TECTA: variants seen among roughly 807,000 people sequenced by gnomAD.
The protein encoded by TECTA is tectorin alpha.
In TECTA, 128 loss-of-function variants were observed where a neutral mutation model predicts 216.8. That is an observed-to-expected ratio of 0.59 (90% CI 0.51 to 0.68). The LOEUF (loss-of-function observed/expected upper bound fraction) is 0.68, where lower values mean the gene tolerates loss of function less well. TECTA is among the 30% of genes least tolerant of loss of function. TECTA has a pLI of 0.00. For synonymous variants in TECTA, 1,089 were observed against 1,117.1 expected (o/e 0.97, Z 0.50); for missense variants, 2,551 against 2,786.2 (o/e 0.92, Z 1.90).
rs1314901261 is a variant in TECTA at position 121,125,505 on chromosome 11, G to T, written c.1407G>T (p.Leu469=). 1.9e-6 allele frequency: 3 copies of T among 1,614,078 alleles called. No homozygotes were observed. Among genetic ancestry groups the T allele is most frequent in the Non-Finnish European group, 2.5e-6 (3 of 1,180,054 alleles). Reference sequence around the variant, plus strand: ...GTGGAAACTATAATAAAAACCCACTGGATGACTTCCTCCGCCCGGATGGCA... The same window carrying T: ...GTGGAAACTATAATAAAAACCCACTTGATGACTTCCTCCGCCCGGATGGCA... ...GLCGNYNKNP[L]DDFLRPDGRP... The change falls in exon 8 of 24, where the codon CTG becomes CTT. Residue 469 remains leucine (L), a synonymous_variant. Transcript: ENST00000392793.
Position 121,189,155 on chromosome 11 carries a change from A to G in TECTA, c.6238A>G (p.Ile2080Val). ...AGAACAGATCATTTCAGTGGGACCT[A>G]TTAGGAGAAAAAGTATGTATGTTCC... ...PKEQIISVGP[I>V]RRKRLDWCED... The change falls in exon 22 of 24, where the codon ATT becomes GTT. Residue 2080 changes from isoleucine to valine, a missense_variant. By Grantham distance (29) the Ile-to-Val change is conservative (BLOSUM62 3). Transcript: ENST00000392793. 2 of 1,614,128 alleles carry G rather than the reference A, an allele frequency of 1.2e-6. No individual in the cohort carries two copies. Among genetic ancestry groups the G allele is most frequent in the South Asian group, 1.1e-5 (1 of 91,074 alleles).
Position 121,158,015 on chromosome 11 carries a change from G to A in TECTA, c.4480G>A (p.Val1494Ile), listed in dbSNP as rs199751471. 1.9e-6 allele frequency: 3 copies of A among 1,612,826 alleles called. No homozygotes were observed. The highest frequency in any genetic ancestry group is 1.7e-5 in the Admixed American group (1 of 60,012). Residue 1494 changes from valine (V) to isoleucine (I), a missense_variant, in exon 14 of 24, where the codon GTC (valine) becomes ATC (isoleucine). Val to Ile is a conservative substitution (Grantham distance 29). This residue lies in a region of TECTA where 2,375 missense variants were observed against 2,563.9 expected (regional missense o/e 0.93). Coordinates refer to ENST00000392793, the MANE Select transcript of TECTA (RefSeq NM_005422.4). Reference sequence around the variant, plus strand: ...CTACTGCCTGGCGGCCGGCGGCGGCGTCTTCCGCACCTTCGACGGCGCCTT... The same window carrying A: ...CTACTGCCTGGCGGCCGGCGGCGGCATCTTCCGCACCTTCGACGGCGCCTT... ...TSYCLAAGGGVFRTFDGAFLR... is the reference protein window; with the variant it reads ...TSYCLAAGGGIFRTFDGAFLR...
chr11:121,138,138 A>G (rs1946750377), intron 11 of TECTA, 116 bp downstream of exon 11: 12 of 1,431,660 alleles, frequency 8.4e-6, no homozygotes, highest in Non-Finnish European at 1.0e-5. Flanking sequence ...ATCTTAGTAT[A>G]TTAAAGCAGA....
At chr11:121,181,583 C>T (rs1300902845) in intron 20 of TECTA, among the ~76,000 whole-genome samples, 5 of 152,110 alleles carry the variant, frequency 3.3e-5, no homozygotes, top group Admixed American at 2.0e-4. Context: ...GATTCTCCTG[C>T]CTCAGCCTCC....
At chr11:121,126,123 G>A (rs1006103255) in intron 8 of TECTA, among the ~76,000 whole-genome samples, 5 of 152,244 alleles carry the variant, frequency 3.3e-5, no homozygotes, top group Non-Finnish European at 5.9e-5. Flanking sequence ...ATGGCAGGAA[G>A]TCCCACAGCA....
Position 121,128,212 on chromosome 11 carries a change from G to A in TECTA, c.2235G>A (p.Glu745=). 1 of 1,604,406 alleles carries A rather than the reference G, an allele frequency of 6.2e-7. No homozygotes were observed. Among genetic ancestry groups the A allele is most frequent in the Non-Finnish European group, 8.5e-7 (1 of 1,179,966 alleles). The change falls in exon 9 of 24, where the codon GAG becomes GAA. Residue 745 remains glutamate (E), a synonymous_variant. Transcript: ENST00000392793. ...FSYTLLKTCP[E]RPEYLEIDIN... Reference sequence around the variant, plus strand: ...ACACCCTCCTGAAGACCTGCCCTGAGCGCCCAGAGTACTTGGAAATCGACA... The same window carrying A: ...ACACCCTCCTGAAGACCTGCCCTGAACGCCCAGAGTACTTGGAAATCGACA...
intron 11 of TECTA, among the ~76,000 whole-genome samples, chr11:121,144,593 C>A (rs1402379530): frequency 6.6e-6 from 1 of 152,188 alleles, no homozygotes; most frequent in African/African-American, 2.4e-5. Flanking sequence ...ATGCACTAAC[C>A]CAGCCACAGG....
chr11:121,189,621 G>A (rs1031269001), intron 22 of TECTA, 143 bp from the exon 23 acceptor site: 8 of 729,320 alleles, frequency 1.1e-5, no homozygotes, highest in East Asian at 5.5e-5. Context: ...TGATCCACCC[G>A]CCTCGGCCTC....
intron 1 of TECTA, 33 bp from the exon 2 acceptor site, chr11:121,102,632 G>T (rs1565514763): frequency 6.4e-7 from 1 of 1,563,540 alleles, no homozygotes; most frequent in Non-Finnish European, 8.8e-7. Context: ...GCAAGCTGGG[G>T]ATTTTTTTTT....
intron 19 of TECTA, 102 bp from the exon 20 acceptor site, chr11:121,168,575 A>G (rs990240747): frequency 1.3e-6 from 2 of 1,574,486 alleles, no homozygotes; most frequent in African/African-American, 2.7e-5. Flanking sequence ...CTTTGCTACT[A>G]CGTGCTTTGC....
At chr11:121,121,633 A>C (rs556277746) in intron 7 of TECTA, among the ~76,000 whole-genome samples, 163 of 152,338 alleles carry the variant, frequency 1.1e-3, no homozygotes, top group African/African-American at 2.9e-3. Context: ...ACAGTCACCC[A>C]GGTGTCAGGT....
At chr11:121,135,731 A>G (rs1056598782) in intron 10 of TECTA, among the ~76,000 whole-genome samples, 1 of 152,254 alleles carries the variant, frequency 6.6e-6, no homozygotes, top group African/African-American at 2.4e-5. Flanking sequence ...TTAAGGAGTG[A>G]TGGTATGTAT....
rs1281483406 is a variant in TECTA at position 121,118,640 on chromosome 11, C to T, written c.1125C>T (p.Val375=). The T allele has an allele frequency of 6.2e-7, 1 of 1,614,040 alleles. No homozygotes were observed. The highest frequency in any genetic ancestry group is 8.5e-7 in the Non-Finnish European group (1 of 1,180,042). ...AKNEHRRGSA[V]SWVKELSVEV... ...ATGAACACCGCAGAGGTTCAGCCGT[C>T]TCCTGGGTGAAGGAGCTCTCAGTGG... Residue 375 remains valine, a synonymous_variant, in exon 7 of 24, where the codon GTC becomes GTT. Coordinates refer to ENST00000392793, the MANE Select transcript of TECTA (RefSeq NM_005422.4).
intron 12 of TECTA, among the ~76,000 whole-genome samples, chr11:121,148,860 G>A (rs1305409477): frequency 6.6e-6 from 1 of 152,236 alleles, no homozygotes; most frequent in Non-Finnish European, 1.5e-5. Context: ...TAGGCTTACA[G>A]GGAGTAGGGA....
In TECTA at chr11:121,191,077, A is replaced by T; in HGVS notation, c.*271A>T. ...GTTGTCACTAGAGACTTTGGTTCAC[A>T]TGAAAAACCAGTAAAGGAAAAAAAT... On this transcript the variant is annotated 3_prime_UTR_variant, in exon 24 of 24. Transcript: ENST00000392793. The T allele has an allele frequency of 2.8e-6, 1 of 361,484 alleles. No individual in the cohort carries two copies. The allele number at this position is 361,484 out of a possible 1,614,324, so 22.4% of individuals were successfully genotyped here.
intron 10 of TECTA, among the ~76,000 whole-genome samples, chr11:121,136,623 G>A (rs1332696292): frequency 6.6e-6 from 1 of 152,110 alleles, no homozygotes; most frequent in Non-Finnish European, 1.5e-5. Context: ...AAACAACCGT[G>A]CTAGCTAAAT....
chr11:121,129,424 A>C (rs1474379222), intron 9 of TECTA, among the ~76,000 whole-genome samples: 1 of 152,232 alleles, frequency 6.6e-6, no homozygotes, highest in Non-Finnish European at 1.5e-5. Flanking sequence ...AGAACACACA[A>C]ATAAACAGCA....
At chr11:121,170,342 T>A (rs2134199303) in intron 20 of TECTA, among the ~76,000 whole-genome samples, 1 of 152,348 alleles carries the variant, frequency 6.6e-6, no homozygotes, top group African/African-American at 2.4e-5. Flanking sequence ...TTTGATATAC[T>A]AATTTCCTTT....
chr11:121,178,594 T>G (rs1484758099), intron 20 of TECTA, among the ~76,000 whole-genome samples: 3 of 147,958 alleles, frequency 2.0e-5, no homozygotes, highest in Non-Finnish European at 3.0e-5. Flanking sequence ...ATCAGGGTAA[T>G]GCTAGTCTTG....
Sources: gnomAD v4.1 joint callset for allele counts (sites outside exome capture counted in the v4.1 genomes callset) on GRCh38, gnomAD v4.1.1 for gene constraint, gnomAD v4.1.1 regional missense constraint, MANE v1.5 for transcripts, NCBI Gene and HGNC (gene_info 2026-07-23, HGNC 2026-07-21) for gene names.